Variants in RAB14 observed in about 807,000 individuals in gnomAD.
RAB14 encodes RAB14, member RAS oncogene family, also known as ras-related protein Rab-14.
In RAB14, 3 loss-of-function variants were observed where a neutral mutation model predicts 31.1. The observed-to-expected ratio is 0.10, with a 90% CI of 0.04 to 0.25. The LOEUF (loss-of-function observed/expected upper bound fraction) is 0.25. Ranked by LOEUF, RAB14 falls within the 10% of genes least tolerant of loss-of-function variation. RAB14 has a pLI of 1.00. For missense variants in RAB14, 111 were observed against 260.1 expected (o/e 0.43, Z 3.94); for synonymous variants, 85 against 84.9 (o/e 1.00, Z 0.00).
chr9:121,189,121 C>G (rs182250370), intron 4 of RAB14, among the ~76,000 whole-genome samples: 194 of 152,188 alleles, frequency 1.3e-3, no homozygotes, highest in African/African-American at 4.5e-3. Context: ...TGGCCTGTAT[C>G]AGTATTTCCT....
In RAB14 at chr9:121,180,491, T is replaced by C. The variant is rs1373841616; in HGVS notation, c.*905A>G. The C allele has an allele frequency of 6.6e-6, 1 of 152,648 alleles. No homozygotes were observed. The highest frequency in any genetic ancestry group is 1.5e-5 in the Non-Finnish European group (1 of 68,048). 9.5% of individuals were successfully genotyped at this position (152,648 alleles called of 1,614,324 possible). A position where few individuals can be genotyped will look rare whatever the true frequency, so the allele number is the denominator to read the frequency against. ...ACAGAATCTGCTAGTGTTAATCCTCTGATGCTAGGAGCTCTTTCCAGCATA... is the reference window on the plus strand; with the variant it reads ...ACAGAATCTGCTAGTGTTAATCCTCCGATGCTAGGAGCTCTTTCCAGCATA... On this transcript the variant is annotated 3_prime_UTR_variant, in exon 8 of 8. Transcript: ENST00000373840.
rs1447506297 is a variant in RAB14, at chr9:121,179,009, A to ATGAT, written c.*2383_*2386dup. 6.6e-6 allele frequency: 1 copy of ATGAT among 151,550 alleles called. No individual in the cohort carries two copies. Among genetic ancestry groups the ATGAT allele is most frequent in the African/African-American group, 2.5e-5 (1 of 40,808 alleles). 9.4% of individuals were successfully genotyped at this position (151,550 alleles called of 1,614,324 possible). A position where few individuals can be genotyped will look rare whatever the true frequency, so the allele number is the denominator to read the frequency against. On this transcript the variant is annotated 3_prime_UTR_variant, in exon 8 of 8. Coordinates refer to ENST00000373840, the MANE Select transcript of RAB14 (RefSeq NM_016322.4). Reference sequence around the variant, plus strand: ...GTATTACAGGGGATTACACATGCATATGATAGAATCTGGCTCCCGGTACAG... The same window carrying ATGAT: ...GTATTACAGGGGATTACACATGCATATGATTGATAGAATCTGGCTCCCGGTACAG...
At chr9:121,196,518 C>T (rs901358251) in intron 1 of RAB14, among the ~76,000 whole-genome samples, 2 of 152,092 alleles carry the variant, frequency 1.3e-5, no homozygotes, top group Non-Finnish European at 2.9e-5. Context: ...CCTCATTTTA[C>T]AGATGAGGAC....
chr9:121,186,279 T>G (rs1323117670), intron 5 of RAB14, among the ~76,000 whole-genome samples: 2 of 152,124 alleles, frequency 1.3e-5, no homozygotes, highest in African/African-American at 4.8e-5. Flanking sequence ...ACTGTGCCAG[T>G]CCCTCTATTT....
intron 3 of RAB14, 132 bp from the exon 4 acceptor site, chr9:121,190,863 TA>T (rs894742656): frequency 0.011 from 8,103 of 705,420 alleles, no homozygotes; most frequent in South Asian, 0.018. Context: ...AAGCTACCGC[TA>T]AAAAAAAAAT....
At chr9:121,182,360 T>G (rs2053638042) in intron 7 of RAB14, among the ~76,000 whole-genome samples, 1 of 152,220 alleles carries the variant, frequency 6.6e-6, no homozygotes, top group Non-Finnish European at 1.5e-5. Flanking sequence ...CCATTCAGTT[T>G]TCTTTGGACT....
chr9:121,190,000 G>C (rs184367397), intron 4 of RAB14, among the ~76,000 whole-genome samples: 43 of 152,176 alleles, frequency 2.8e-4, no homozygotes, highest in African/African-American at 1.0e-3. Context: ...TCCAGAAACA[G>C]TCATGTTGAA....
intron 7 of RAB14, among the ~76,000 whole-genome samples, chr9:121,182,639 TG>T (rs1444583800): frequency 6.6e-6 from 1 of 152,228 alleles, no homozygotes; most frequent in Admixed American, 6.5e-5. Flanking sequence ...AGTCAAACAC[TG>T]TCATTTGGGA....
chr9:121,193,652 T>C lies in RAB14; in HGVS notation c.-7-233A>G, dbSNP rs201111749. Among the ~76,000 whole-genome samples, 4 of 152,278 alleles carry C rather than the reference T, an allele frequency of 2.6e-5. No individual in the cohort carries two copies. In the East Asian group the frequency reaches 5.8e-4, roughly 22 times the overall value. On this transcript the variant is annotated intron_variant, in intron 1 of 7. Transcript: ENST00000373840. ...CCACAGAAATATAAGAAACCATTTA[T>C]ACCACAACTCCAATATTTCACTTAA...
At chr9:121,190,831 C>G in intron 3 of RAB14, 100 bp from the exon 4 acceptor site, 1 of 1,146,752 alleles carries the variant, frequency 8.7e-7, no homozygotes, top group Non-Finnish European at 1.2e-6. Flanking sequence ...CTTACTAATA[C>G]TTACAGGCTA....
intron 1 of RAB14, among the ~76,000 whole-genome samples, chr9:121,201,241 G>T (rs1331950793): frequency 1.3e-5 from 2 of 152,200 alleles, no homozygotes; most frequent in Non-Finnish European, 2.9e-5. Flanking sequence ...CGGCACGCGT[G>T]GGTACACCCT....
chr9:121,191,863 A>G (rs1290269929), intron 3 of RAB14, among the ~76,000 whole-genome samples: 1 of 152,152 alleles, frequency 6.6e-6, no homozygotes, highest in Non-Finnish European at 1.5e-5. Flanking sequence ...TCCTAATAAG[A>G]CAATCAATTC....
At chr9:121,191,882 G>A (rs1462902376) in intron 3 of RAB14, among the ~76,000 whole-genome samples, 1 of 152,038 alleles carries the variant, frequency 6.6e-6, no homozygotes, top group African/African-American at 2.4e-5. Flanking sequence ...TCCTGTAACA[G>A]AAAGTCAGAG....
intron 4 of RAB14, among the ~76,000 whole-genome samples, chr9:121,188,691 A>G (rs930990007): frequency 6.6e-6 from 1 of 152,054 alleles, no homozygotes; most frequent in Admixed American, 6.6e-5. Context: ...TAAAATGTCA[A>G]AGAATAACAG....
intron 1 of RAB14, among the ~76,000 whole-genome samples, chr9:121,199,266 C>T (rs1185345892): frequency 5.3e-5 from 8 of 152,178 alleles, no homozygotes; most frequent in Non-Finnish European, 1.2e-4. Context: ...AGACTGATCA[C>T]TGTTGACACT....
At chr9:121,190,377 G>A (rs1255282900) in intron 4 of RAB14, among the ~76,000 whole-genome samples, 177 bp downstream of exon 4, 2 of 151,716 alleles carry the variant, frequency 1.3e-5, no homozygotes, top group Non-Finnish European at 2.9e-5. Flanking sequence ...AAAAACTTTT[G>A]GAAAATATCA....
At chr9:121,198,899 G>A (rs2053733695) in intron 1 of RAB14, among the ~76,000 whole-genome samples, 1 of 151,120 alleles carries the variant, frequency 6.6e-6, no homozygotes, top group South Asian at 2.1e-4. Flanking sequence ...AAAATGAGTG[G>A]TCAATTTCCT....
intron 5 of RAB14, among the ~76,000 whole-genome samples, chr9:121,184,526 A>C (rs1419070580): frequency 6.6e-6 from 1 of 152,190 alleles, no homozygotes; most frequent in African/African-American, 2.4e-5. Context: ...CCAAACAGAT[A>C]TGGTAATCTA....
At chr9:121,194,129 C>CACACA (rs1402959041) in intron 1 of RAB14, among the ~76,000 whole-genome samples, 1 of 146,356 alleles carries the variant, frequency 6.8e-6, no homozygotes, top group South Asian at 2.2e-4. Flanking sequence ...CACACACACA[C>CACACA]ATTTTTTGAA....
Sources: allele counts gnomAD v4.1 joint callset (sites outside exome capture counted in the v4.1 genomes callset), GRCh38; gene constraint gnomAD v4.1.1; transcripts MANE v1.5; gene names NCBI Gene and HGNC (gene_info 2026-07-23, HGNC 2026-07-21).